Variants in TOMM6 observed in about 807,000 individuals in gnomAD.
The protein encoded by TOMM6 is mitochondrial import receptor subunit TOM6 homolog.
A neutral mutation model predicts 6.0 loss-of-function variants in TOMM6; 6 were observed. That is an observed-to-expected ratio of 1.00 (90% CI 0.55 to 1.98). TOMM6 has a LOEUF of 1.98. TOMM6 is among the 30% of genes most tolerant of loss of function. The pLI, the probability that TOMM6 is intolerant of heterozygous loss-of-function variation, is 0.00. For synonymous variants in TOMM6, 44 were observed against 36.3 expected (o/e 1.21, Z -0.76); for missense variants, 104 against 95.3 (o/e 1.09, Z -0.38).
chr6:41,789,436 A>T, intron 2 of TOMM6, 100 bp downstream of exon 2: 1 of 899,666 alleles, frequency 1.1e-6, no homozygotes, highest in Non-Finnish European at 1.8e-6. Context: ...AAAGAATGTG[A>T]TGTAAAACCC....
Position 41,787,801 on chromosome 6 carries a change from C to A in TOMM6, c.104C>A (p.Ala35Asp), listed in dbSNP as rs767580544. 6.4e-7 allele frequency: 1 copy of A among 1,551,784 alleles called. No individual in the cohort carries two copies. Reference sequence around the variant, plus strand: ...TGGCTTCGGGGCGTCTACCGCTTTGCCACTGATAGGAATGACTTCCGGAGG... The same window carrying A: ...TGGCTTCGGGGCGTCTACCGCTTTGACACTGATAGGAATGACTTCCGGAGG... ...GDWLRGVYRF[A>D]TDRNDFRRNL... is the part of the protein sequence containing the mutation. Residue 35 changes from alanine (A) to aspartate (D), a missense_variant, in exon 1 of 3, where the codon GCC (alanine) becomes GAC (aspartate). Ala to Asp is a moderately radical substitution (Grantham distance 126). Coordinates refer to ENST00000398881, the MANE Select transcript of TOMM6 (RefSeq NM_001382294.1).
intron 1 of TOMM6, among the ~76,000 whole-genome samples, chr6:41,788,482 TCAC>T (rs1772728282): frequency 9.8e-6 from 1 of 102,532 alleles, no homozygotes; most frequent in African/African-American, 3.8e-5. Context: ...AGACGGAGTC[TCAC>T]TCTGTCGCCC....
chr6:41,787,865 A>C, intron 1 of TOMM6, 40 bp downstream of exon 1: 4 of 1,547,730 alleles, frequency 2.6e-6, no homozygotes, highest in Non-Finnish European at 3.5e-6. Flanking sequence ...TCTGGCCCTT[A>C]AATCCGTATT....
rs1318191264 is a variant in TOMM6, at chr6:41,789,238, G to A, written c.135G>A (p.Leu45=). 1 of 1,550,760 alleles carries A rather than the reference G, an allele frequency of 6.4e-7. No individual in the cohort carries two copies. Among genetic ancestry groups the A allele is most frequent in the Non-Finnish European group, 8.7e-7 (1 of 1,146,906 alleles). The part of the protein sequence containing the change: ...ATDRNDFRRN[L]ILNLGLFAAG... ...AAACACATTGTTTTTCCAGGAACTT[G>A]ATACTAAATTTGGGACTCTTTGCTG... is the stretch of plus-strand genomic sequence containing the variant. The change falls in exon 2 of 3, where the codon TTG becomes TTA. Residue 45 remains leucine, a synonymous_variant. Transcript: ENST00000398881.
chr6:41,787,706 C>G lies in TOMM6; in HGVS notation c.9C>G (p.Ser3=). 1 of 1,551,686 alleles carries G rather than the reference C, an allele frequency of 6.4e-7. No homozygotes were observed. Residue 3 remains serine (S), a synonymous_variant, in exon 1 of 3, where the codon TCC becomes TCG. Coordinates refer to ENST00000398881, the MANE Select transcript of TOMM6 (RefSeq NM_001382294.1). MA[S]STVPVSAAGS... Reference sequence around the variant, plus strand: ...ATGCGAAGCTTTCCACTATGGCTTCCAGCACTGTCCCGGTGAGCGCTGCTG... The same window carrying G: ...ATGCGAAGCTTTCCACTATGGCTTCGAGCACTGTCCCGGTGAGCGCTGCTG...
At chr6:41,789,358 T>C in intron 2 of TOMM6, 22 bp downstream of exon 2, 1 of 1,517,920 alleles carries the variant, frequency 6.6e-7, no homozygotes, top group Non-Finnish European at 9.0e-7. Context: ...ACTACACCCA[T>C]GCGTGTCTTA....
intron 1 of TOMM6, among the ~76,000 whole-genome samples, chr6:41,788,276 CTG>C (rs1772720473): frequency 6.7e-6 from 1 of 150,070 alleles, no homozygotes; most frequent in Non-Finnish European, 1.5e-5. Context: ...TCCCGAGTAG[CTG>C]GGACTACGGC....
rs764547733 is a variant in TOMM6, at chr6:41,787,793, C to G, written c.96C>G (p.Tyr32Ter). The stretch of plus-strand genomic sequence containing the variant: ...TGGGAGATTGGCTTCGGGGCGTCTA[C>G]CGCTTTGCCACTGATAGGAATGACT... Reference protein sequence around the residue: ...DNVGDWLRGVYRFATDRNDFR... With the variant: ...DNVGDWLRGV Residue 32 changes from tyrosine to a stop codon, truncating the protein, a stop_gained, in exon 1 of 3, where the codon TAC becomes TAG. Transcript: ENST00000398881. LOFTEE classifies it high-confidence loss of function. The G allele has an allele frequency of 3.9e-6, 6 of 1,551,792 alleles. No individual in the cohort carries two copies. The South Asian group carries it at 7.1e-5, about 18-fold the overall frequency.
rs369974719 is a variant in TOMM6, at chr6:41,787,871, G to GT, written c.128+47dup. On this transcript the variant is annotated intron_variant, in intron 1 of 2. Coordinates refer to ENST00000398881, the MANE Select transcript of TOMM6 (RefSeq NM_001382294.1). ...TGGTCCTTTTCTGGCCCTTAAATCC[G>GT]TATTTCCCCTTTCTTGCGAGGCTGG... The GT allele has an allele frequency of 5.8e-4, 889 of 1,538,944 alleles. 4 individuals are homozygous for GT. In the African/African-American group the frequency reaches 0.011, roughly 20 times the overall value.
chr6:41,788,976 C>T (rs1772742192), intron 1 of TOMM6, among the ~76,000 whole-genome samples: 1 of 152,118 alleles, frequency 6.6e-6, no homozygotes, highest in Admixed American at 6.5e-5. Flanking sequence ...GAGCTCCTGA[C>T]TTCGTGATCC....
intron 1 of TOMM6, among the ~76,000 whole-genome samples, chr6:41,788,177 C>T (rs1772716668): frequency 1.4e-5 from 2 of 146,938 alleles, no homozygotes; most frequent in South Asian, 4.3e-4. Flanking sequence ...CGGAGTCTCA[C>T]TCTGTTGCCC....
At chr6:41,788,478 A>G in intron 1 of TOMM6, among the ~76,000 whole-genome samples, 1 of 77,276 alleles carries the variant, frequency 1.3e-5, no homozygotes, top group African/African-American at 5.2e-5. Context: ...TTTGAGACGG[A>G]GTCTCACTCT....
chr6:41,788,067 G>A (rs1406917378), intron 1 of TOMM6, among the ~76,000 whole-genome samples: 16 of 152,090 alleles, frequency 1.1e-4, no homozygotes, highest in Admixed American at 3.3e-4. Flanking sequence ...GGGAAGAAGT[G>A]CTAGCACGTA....
chr6:41,788,246 G>A (rs1374339465), intron 1 of TOMM6, among the ~76,000 whole-genome samples: 6 of 149,118 alleles, frequency 4.0e-5, no homozygotes, highest in Non-Finnish European at 7.4e-5. Context: ...CCGGGTTCAC[G>A]CCATTCTCCT....
At chr6:41,789,146 A>C in intron 1 of TOMM6, 86 bp from the exon 2 acceptor site, 1 of 1,252,956 alleles carries the variant, frequency 8.0e-7, no homozygotes, top group Non-Finnish European at 1.1e-6. Context: ...GAAGGTGGTG[A>C]TGGAAGCCTT....
intron 2 of TOMM6, 58 bp downstream of exon 2, chr6:41,789,394 A>C (rs1446115284): frequency 6.5e-6 from 8 of 1,225,534 alleles, no homozygotes; most frequent in Middle Eastern, 1.9e-4. Flanking sequence ...GGGTGAAGCA[A>C]TGTTTTCTGT....
intron 1 of TOMM6, among the ~76,000 whole-genome samples, chr6:41,788,443 C>CTT (rs70987535): frequency 0.013 from 484 of 38,332 alleles, 118 homozygotes; most frequent in African/African-American, 0.016. Context: ...CACGCCCGGC[C>CTT]TTTTTTTTTT....
chr6:41,787,967 C>T (rs1172891369), intron 1 of TOMM6, 142 bp downstream of exon 1: 7 of 1,213,552 alleles, frequency 5.8e-6, no homozygotes, highest in Non-Finnish European at 7.9e-6. Flanking sequence ...TCTGGCTGTG[C>T]CTCACTGAGA....
Position 41,789,255 on chromosome 6 carries a change from T to G in TOMM6, c.152T>G (p.Leu51Arg). ...AGGAACTTGATACTAAATTTGGGACTCTTTGCTGCGGGAGTTTGGCTGGCC... is the reference window on the plus strand; with the variant it reads ...AGGAACTTGATACTAAATTTGGGACGCTTTGCTGCGGGAGTTTGGCTGGCC... Reference protein sequence around the residue: ...FRRNLILNLGLFAAGVWLARN... With the variant: ...FRRNLILNLGRFAAGVWLARN... The change falls in exon 2 of 3, where the codon CTC (leucine) becomes CGC (arginine). Residue 51 changes from leucine (L) to arginine (R), a missense_variant. Coordinates refer to ENST00000398881, the MANE Select transcript of TOMM6 (RefSeq NM_001382294.1). 1 of 1,551,308 alleles carries G rather than the reference T, an allele frequency of 6.4e-7. No individual in the cohort carries two copies. The highest frequency in any genetic ancestry group is 8.7e-7 in the Non-Finnish European group (1 of 1,146,988).
Sources: allele counts gnomAD v4.1 joint callset (sites outside exome capture counted in the v4.1 genomes callset), GRCh38; gene constraint gnomAD v4.1.1; transcripts MANE v1.5; gene names NCBI Gene and HGNC (gene_info 2026-07-23, HGNC 2026-07-21).